PPP1R21: variants seen among roughly 807,000 people sequenced by gnomAD.
PPP1R21 encodes KLRAQ motif containing 1.
Under a neutral mutation model 112.8 loss-of-function variants are expected in PPP1R21, and 85 were observed. The ratio of observed to expected loss-of-function variants is 0.75; its 90% CI spans 0.63 to 0.90. The LOEUF (loss-of-function observed/expected upper bound fraction) is 0.90, where lower values mean the gene tolerates loss of function less well. Ranked by LOEUF, PPP1R21 falls within the 40% of genes least tolerant of loss-of-function variation. The pLI, the probability that PPP1R21 is intolerant of heterozygous loss-of-function variation, is 0.00. For synonymous variants in PPP1R21, 381 were observed against 322.3 expected (o/e 1.18, Z -1.95); for missense variants, 1,199 against 901.5 (o/e 1.33, Z -4.23).
chr2:48,485,026 G>C (rs1258050533), intron 13 of PPP1R21, among the ~76,000 whole-genome samples: 4 of 12,676 alleles, frequency 3.2e-4, no homozygotes, highest in Non-Finnish European at 2.1e-3. Flanking sequence ...TTAGGGATGA[G>C]CAATTCAGTA....
At chr2:48,485,968 T>C (rs1252814167) in intron 13 of PPP1R21, among the ~76,000 whole-genome samples, 1 of 148,006 alleles carries the variant, frequency 6.8e-6, no homozygotes, top group Non-Finnish European at 1.5e-5. Flanking sequence ...TATATAGTTT[T>C]ATATATTATA....
chr2:48,493,760 A>G (rs1187133364), intron 15 of PPP1R21, among the ~76,000 whole-genome samples: 3 of 152,100 alleles, frequency 2.0e-5, no homozygotes, highest in Non-Finnish European at 4.4e-5. Context: ...TTAGAAATGC[A>G]ATATTTGCCA....
chr2:48,484,978 A>G (rs1669213053), intron 13 of PPP1R21, among the ~76,000 whole-genome samples: 1 of 152,034 alleles, frequency 6.6e-6, no homozygotes, highest in Admixed American at 6.6e-5. Flanking sequence ...TGAAATATTG[A>G]ATAAAACTGT....
chr2:48,450,915 T>A, intron 1 of PPP1R21, 93 bp from the exon 2 acceptor site: 1 of 966,158 alleles, frequency 1.0e-6, no homozygotes, highest in South Asian at 1.4e-5. Context: ...ACTTAGTTAC[T>A]CAGTGTAATG....
At position 48,514,579 on chromosome 2, in the gene PPP1R21, G is replaced by A; in HGVS notation, c.2314-136G>A. ...TATTGAATAAAAGTTAACAATGCAA[G>A]GTTATCAGCTATTCTCCTTTTTGGA... On this transcript the variant is annotated intron_variant, in intron 21 of 21. Coordinates refer to ENST00000294952, the MANE Select transcript of PPP1R21 (RefSeq NM_001135629.3). 5.7e-6 allele frequency: 4 copies of A among 701,318 alleles called. No homozygotes were observed. In the South Asian group the frequency reaches 6.3e-5, roughly 11 times the overall value. The allele number at this position is 701,318 out of a possible 1,614,324, so 43.4% of individuals were successfully genotyped here. A position where few individuals can be genotyped will look rare whatever the true frequency, so the allele number is the denominator to read the frequency against.
Position 48,495,718 on chromosome 2 carries a change from A to G in PPP1R21, c.1639A>G (p.Asn547Asp). ...TGTGCCTTATGAAGAAGCACTGGCA[A>G]ACCGCCGCATCCTTCTCAGCTCTAC... ...ESVPYEEALA[N>D]RRILLSSTES... Residue 547 changes from asparagine (N) to aspartate (D), a missense_variant, in exon 16 of 22, where the codon AAC (asparagine) becomes GAC (aspartate). Asn to Asp is a conservative substitution (Grantham distance 23). Transcript: ENST00000294952. The G allele has an allele frequency of 6.2e-7, 1 of 1,613,048 alleles. No homozygotes were observed. Among genetic ancestry groups the G allele is most frequent in the Non-Finnish European group, 8.5e-7 (1 of 1,179,008 alleles).
At chr2:48,477,893 T>G (rs1000361666) in intron 12 of PPP1R21, among the ~76,000 whole-genome samples, 3 of 152,190 alleles carry the variant, frequency 2.0e-5, no homozygotes, top group African/African-American at 7.2e-5. Flanking sequence ...TGATCTCCTG[T>G]GGAGATGGGA....
At chr2:48,453,622 T>C (rs1667581144) in intron 2 of PPP1R21, among the ~76,000 whole-genome samples, 1 of 152,248 alleles carries the variant, frequency 6.6e-6, no homozygotes, top group South Asian at 2.1e-4. Flanking sequence ...TAAATATTTC[T>C]CTTTAGTTTT....
At chr2:48,451,859 A>G (rs1274273159) in intron 2 of PPP1R21, among the ~76,000 whole-genome samples, 1 of 152,142 alleles carries the variant, frequency 6.6e-6, no homozygotes, top group African/African-American at 2.4e-5. Flanking sequence ...GATCAGTAAT[A>G]TGTCTGAGGT....
chr2:48,486,871 T>A, intron 14 of PPP1R21, 113 bp downstream of exon 14: 1 of 1,158,450 alleles, frequency 8.6e-7, no homozygotes, highest in Non-Finnish European at 1.2e-6. Context: ...GGGTTTACTG[T>A]AAAATAAAGT....
intron 11 of PPP1R21, 115 bp from the exon 12 acceptor site, chr2:48,474,568 C>CT: frequency 2.1e-6 from 2 of 931,328 alleles, no homozygotes; most frequent in Non-Finnish European, 1.6e-6. Context: ...AGATCAAATT[C>CT]TTTTTTCTGC....
At chr2:48,470,519 C>CA (rs34486239) in intron 9 of PPP1R21, among the ~76,000 whole-genome samples, 13,335 of 78,924 alleles carry the variant, frequency 0.17, 659 homozygotes, top group African/African-American at 0.2. Context: ...AACTCTGTCT[C>CA]AAAAAAAAAA....
Position 48,498,648 on chromosome 2 carries a change from C to T in PPP1R21, c.1848C>T (p.Ala616=). 6.2e-7 allele frequency: 1 copy of T among 1,614,176 alleles called. No homozygotes were observed. Among genetic ancestry groups the T allele is most frequent in the African/African-American group, 1.3e-5 (1 of 75,028 alleles). Residue 616 remains alanine (A), a synonymous_variant, in exon 17 of 22, where the codon GCC becomes GCT. Coordinates refer to ENST00000294952, the MANE Select transcript of PPP1R21 (RefSeq NM_001135629.3). ...NTGSAQLVGL[A]QENAAVSNTA... The stretch of plus-strand genomic sequence containing the variant: ...GTAGTGCCCAGCTGGTTGGGCTGGC[C>T]CAGGAAAATGCTGCTGTGTCAAATA...
rs1668476764 is a variant in PPP1R21 at position 48,471,081 on chromosome 2, G to A, written c.898-6G>A. ...TTTAATTCACAATACTTTCCCTCCT[G>A]TTTAGTTCTCACAATACCTTCATGA... On this transcript the variant is annotated splice_region_variant and splice_polypyrimidine_tract_variant and intron_variant, in intron 9 of 21. Coordinates refer to ENST00000294952, the MANE Select transcript of PPP1R21 (RefSeq NM_001135629.3). 6.3e-7 allele frequency: 1 copy of A among 1,575,368 alleles called. No homozygotes were observed. The highest frequency in any genetic ancestry group is 8.7e-7 in the Non-Finnish European group (1 of 1,145,324).
chr2:48,459,808 C>T lies in PPP1R21; in HGVS notation c.430C>T (p.Leu144=). ...TGTGGAAGCAGAGCTGAGGAGTCGA[C>T]TGGCCACTCTGGAGACAGAAGCAGC... ...KHVEAELRSR[L]ATLETEAAQH... The change falls in exon 5 of 22, where the codon CTG becomes TTG. Residue 144 remains leucine, a synonymous_variant. Coordinates refer to ENST00000294952, the MANE Select transcript of PPP1R21 (RefSeq NM_001135629.3). The T allele has an allele frequency of 6.2e-7, 1 of 1,614,116 alleles. No individual in the cohort carries two copies. The highest frequency in any genetic ancestry group is 8.5e-7 in the Non-Finnish European group (1 of 1,180,046).
intron 13 of PPP1R21, among the ~76,000 whole-genome samples, chr2:48,481,753 A>C (rs61677854): frequency 0.015 from 2,302 of 152,164 alleles, 52 homozygotes; most frequent in African/African-American, 0.05. Context: ...AAATTTTCTT[A>C]TGCTAATACA....
At chr2:48,503,101 A>C (rs1156844220) in intron 17 of PPP1R21, among the ~76,000 whole-genome samples, 2 of 152,224 alleles carry the variant, frequency 1.3e-5, no homozygotes, top group Non-Finnish European at 2.9e-5. Flanking sequence ...AAAAGATAGC[A>C]ATAGCCTTAA....
intron 4 of PPP1R21, 133 bp from the exon 5 acceptor site, chr2:48,459,621 T>C (rs1196968342): frequency 1.1e-6 from 1 of 888,504 alleles, no homozygotes; most frequent in Admixed American, 3.0e-5. Context: ...AATGAGATAA[T>C]GCCTGTGTGG....
intron 2 of PPP1R21, among the ~76,000 whole-genome samples, chr2:48,454,160 C>T (rs984358014): frequency 1.3e-5 from 2 of 152,108 alleles, no homozygotes; most frequent in African/African-American, 4.8e-5. Flanking sequence ...ACTCGGGAGG[C>T]TGAGGCATGA....
Sources: gnomAD v4.1 joint callset for allele counts (sites outside exome capture counted in the v4.1 genomes callset) on GRCh38, gnomAD v4.1.1 for gene constraint, MANE v1.5 for transcripts, NCBI Gene and HGNC (gene_info 2026-07-23, HGNC 2026-07-21) for gene names.